DPYD: variants seen among roughly 807,000 people sequenced by gnomAD.
DPYD encodes the protein dihydropyrimidine dehydrogenase, also known as dihydropyrimidine dehydrogenase [NADP(+)].
Under a neutral mutation model 116.2 loss-of-function variants are expected in DPYD, and 109 were observed. That is an observed-to-expected ratio of 0.94 (90% CI 0.80 to 1.10). The LOEUF is 1.10. Among genes scored for constraint, DPYD ranks in the 50% least tolerant of loss-of-function variants. The probability of loss-of-function intolerance (pLI) is 0.00; values close to 1 mark genes in which losing one functional copy is unlikely to be tolerated. For synonymous variants in DPYD, 440 were observed against 432.0 expected, an observed-to-expected ratio of 1.02 and a Z score of -0.23; for missense variants, 1,302 against 1,254.5, an observed-to-expected ratio of 1.04 and a Z score of -0.57.
At chr1:97,654,876 C>T (rs1658811407) in intron 8 of DPYD, among the ~76,000 whole-genome samples, 1 of 152,066 alleles carries the variant, frequency 6.6e-6, no homozygotes, top group Admixed American at 6.6e-5. Flanking sequence ...GCCTCACAAT[C>T]AGCAGCAGAT....
chr1:97,367,609 G>A lies in DPYD; in HGVS notation c.2058+5952C>T, dbSNP rs764085900. On this transcript the variant is annotated intron_variant, in intron 16 of 22. Coordinates refer to ENST00000370192, the MANE Select transcript of DPYD (RefSeq NM_000110.4). ...GTGGCAAGATATAACAGATGATAGC[G>A]GTTGTACTGCCATCTTTGTTCAGGT... Among the ~76,000 whole-genome samples the A allele has an allele frequency of 8.5e-5, 13 of 152,094 alleles. No homozygotes were observed. In the East Asian group the frequency reaches 1.5e-3, roughly 18 times the overall value.
At chr1:97,459,201 G>A in intron 13 of DPYD, among the ~76,000 whole-genome samples, 1 of 152,106 alleles carries the variant, frequency 6.6e-6, no homozygotes, top group African/African-American at 2.4e-5. Context: ...AAAACCTAAT[G>A]GTTTGGGGAT....
At chr1:97,231,718 T>A (rs1187170260) in intron 19 of DPYD, among the ~76,000 whole-genome samples, 1 of 152,040 alleles carries the variant, frequency 6.6e-6, no homozygotes, top group Non-Finnish European at 1.5e-5. Flanking sequence ...CCTTAGTTGA[T>A]GTCAATAAAA....
intron 18 of DPYD, among the ~76,000 whole-genome samples, chr1:97,296,481 A>G (rs112872265): frequency 6.6e-6 from 1 of 152,186 alleles, no homozygotes; most frequent in Non-Finnish European, 1.5e-5. Context: ...ATGTCTCGAT[A>G]GATACATGAT....
At chr1:97,794,128 G>A (rs1667454978) in intron 3 of DPYD, among the ~76,000 whole-genome samples, 1 of 152,100 alleles carries the variant, frequency 6.6e-6, no homozygotes, top group African/African-American at 2.4e-5. Context: ...AGTAAGGATA[G>A]AGTTTCACCA....
At chr1:97,527,128 G>C (rs1303047497) in intron 12 of DPYD, among the ~76,000 whole-genome samples, 6 of 151,590 alleles carry the variant, frequency 4.0e-5, no homozygotes, top group Non-Finnish European at 7.4e-5. Context: ...GCCCAGGCTG[G>C]AGTGCAGTGG....
intron 3 of DPYD, among the ~76,000 whole-genome samples, chr1:97,753,351 G>C (rs961553787): frequency 6.6e-6 from 1 of 152,050 alleles, no homozygotes. Flanking sequence ...TATAATTCTG[G>C]TTATCTCTGC....
At chr1:97,725,137 T>A (rs1663171840) in intron 4 of DPYD, among the ~76,000 whole-genome samples, 1 of 151,740 alleles carries the variant, frequency 6.6e-6, no homozygotes, top group African/African-American at 2.4e-5. Flanking sequence ...GCAAATTAAT[T>A]GTATTTCAAT....
At chr1:97,231,773 T>C (rs930044472) in intron 19 of DPYD, among the ~76,000 whole-genome samples, 1 of 152,204 alleles carries the variant, frequency 6.6e-6, no homozygotes, top group African/African-American at 2.4e-5. Context: ...GTGGAAATAC[T>C]ATATGTAGCA....
chr1:97,628,815 T>C (rs1571087683), intron 8 of DPYD, among the ~76,000 whole-genome samples: 1 of 152,106 alleles, frequency 6.6e-6, no homozygotes, highest in South Asian at 2.1e-4. Context: ...TGCATGTATA[T>C]ATGTATGTAA....
intron 1 of DPYD, among the ~76,000 whole-genome samples, chr1:97,907,040 A>G (rs943774552): frequency 6.6e-6 from 1 of 152,124 alleles, no homozygotes; most frequent in African/African-American, 2.4e-5. Context: ...CTAAGTGACT[A>G]GCAGGCAGGG....
intron 10 of DPYD, among the ~76,000 whole-genome samples, chr1:97,585,450 C>A (rs1315955862): frequency 6.6e-6 from 1 of 152,008 alleles, no homozygotes; most frequent in African/African-American, 2.4e-5. Context: ...TTTATGATGA[C>A]AGGGGGATGA....
At chr1:97,346,705 T>G (rs1374242400) in intron 16 of DPYD, among the ~76,000 whole-genome samples, 1 of 151,840 alleles carries the variant, frequency 6.6e-6, no homozygotes, top group Non-Finnish European at 1.5e-5. Flanking sequence ...TAGTTCAAAA[T>G]TTTCTCACTG....
intron 12 of DPYD, among the ~76,000 whole-genome samples, chr1:97,518,376 C>T: frequency 6.6e-6 from 1 of 152,056 alleles, no homozygotes; most frequent in Admixed American, 6.6e-5. Context: ...CTTTGTCGTG[C>T]TATAGCAACT....
intron 3 of DPYD, among the ~76,000 whole-genome samples, chr1:97,817,387 C>T (rs1668678901): frequency 6.6e-6 from 1 of 151,942 alleles, no homozygotes. Flanking sequence ...TCATAATAAC[C>T]TGTAGAAATG....
chr1:97,562,396 T>TA (rs1337464276), intron 11 of DPYD, among the ~76,000 whole-genome samples: 1 of 152,048 alleles, frequency 6.6e-6, no homozygotes, highest in Non-Finnish European at 1.5e-5. Context: ...GGCAAACACT[T>TA]ACTATGCAAC....
intron 22 of DPYD, among the ~76,000 whole-genome samples, chr1:97,080,186 T>C (rs1338214820): frequency 6.6e-6 from 1 of 152,038 alleles, no homozygotes; most frequent in Admixed American, 6.6e-5. Context: ...ACTCAGACTG[T>C]GTACTACTTT....
intron 3 of DPYD, among the ~76,000 whole-genome samples, chr1:97,784,567 A>C (rs1666920670): frequency 6.6e-6 from 1 of 152,218 alleles, no homozygotes; most frequent in South Asian, 2.1e-4. Flanking sequence ...ATAGGCGATT[A>C]CTTTACCAAG....
chr1:97,486,728 A>G (rs1678662472), intron 13 of DPYD, among the ~76,000 whole-genome samples: 2 of 152,148 alleles, frequency 1.3e-5, no homozygotes, highest in Admixed American at 1.3e-4. Context: ...GGATATTTTC[A>G]TTAATACCTT....
Sources: gnomAD v4.1 joint callset for allele counts (sites outside exome capture counted in the v4.1 genomes callset) on GRCh38, gnomAD v4.1.1 for gene constraint, MANE v1.5 for transcripts, NCBI Gene and HGNC (gene_info 2026-07-23, HGNC 2026-07-21) for gene names.